DLC1: variants seen among roughly 807,000 people sequenced by gnomAD.
DLC1 encodes rho GTPase-activating protein 7.
DLC1 carries 54 observed loss-of-function variants against 140.3 expected under a neutral mutation model. That is an observed-to-expected ratio of 0.38 (90% CI 0.31 to 0.48). The LOEUF is 0.48. Ranked by LOEUF, DLC1 falls within the 20% of genes least tolerant of loss-of-function variation. The pLI is 0.96. For missense variants in DLC1, 2,536 were observed against 1,907.0 expected (o/e 1.33, Z -6.14); for synonymous variants, 986 against 728.1 (o/e 1.35, Z -5.70).
intron 2 of DLC1, among the ~76,000 whole-genome samples, chr8:13,473,380 C>T (rs1043202495): frequency 3.9e-5 from 6 of 152,202 alleles, no homozygotes; most frequent in African/African-American, 7.2e-5. Context: ...GTTTTAAAAA[C>T]GGGGGTTTCC....
In DLC1 at chr8:13,499,441, C is replaced by G. The variant is rs767098752; in HGVS notation, c.631G>C (p.Val211Leu). 1.2e-6 allele frequency: 2 copies of G among 1,614,038 alleles called. No homozygotes were observed. Among genetic ancestry groups the G allele is most frequent in the South Asian group, 2.2e-5 (2 of 91,074 alleles). The part of the protein sequence containing the change: ...EIKDAPKVNA[V>L]DTLNVKDIAP... The stretch of plus-strand genomic sequence containing the variant: ...ATATCTTTCACGTTCAAAGTATCCA[C>G]TGCATTTACTTTGGGTGCATCTTTT... Residue 211 changes from valine to leucine, a missense_variant, in exon 2 of 18, where the codon GTG (valine) becomes CTG (leucine). Coordinates refer to ENST00000276297, the MANE Select transcript of DLC1 (RefSeq NM_182643.3).
intron 5 of DLC1, among the ~76,000 whole-genome samples, chr8:13,269,701 C>CAAAAAAAAA (rs57030004): frequency 2.0e-5 from 2 of 99,478 alleles, no homozygotes; most frequent in Non-Finnish European, 4.0e-5. Flanking sequence ...AAAACTCTGT[C>CAAAAAAAAA]AAAAAAAAAA....
intron 5 of DLC1, among the ~76,000 whole-genome samples, chr8:13,262,348 GA>G (rs2117335732): frequency 6.6e-6 from 1 of 152,166 alleles, no homozygotes; most frequent in East Asian, 1.9e-4. Context: ...TTAAAATTAG[GA>G]GGAAAATTGA....
chr8:13,428,889 C>G (rs531399132), intron 2 of DLC1, among the ~76,000 whole-genome samples: 160 of 152,212 alleles, frequency 1.1e-3, no homozygotes, highest in Admixed American at 2.9e-3. Flanking sequence ...TAGAAGAGAC[C>G]TAAGTAGACT....
At chr8:13,339,654 C>G (rs1191738280) in intron 4 of DLC1, 2 of 152,118 alleles carry the variant, frequency 1.3e-5, no homozygotes, top group Non-Finnish European at 2.9e-5. Flanking sequence ...CAATCAGAAC[C>G]TCTAAAATTG....
At chr8:13,443,256 A>T (rs572397689) in intron 2 of DLC1, among the ~76,000 whole-genome samples, 1 of 151,742 alleles carries the variant, frequency 6.6e-6, no homozygotes, top group Non-Finnish European at 1.5e-5. Flanking sequence ...CTAAGGTTAA[A>T]TGATAGTTAA....
At chr8:13,121,952 A>C (rs1821114837) in intron 5 of DLC1, among the ~76,000 whole-genome samples, 1 of 152,140 alleles carries the variant, frequency 6.6e-6, no homozygotes, top group South Asian at 2.1e-4. Context: ...AAGCTCCCTC[A>C]GTTTAAAGGC....
chr8:13,224,019 A>C (rs1298375624), intron 5 of DLC1, among the ~76,000 whole-genome samples: 1 of 152,192 alleles, frequency 6.6e-6, no homozygotes, highest in African/African-American at 2.4e-5. Flanking sequence ...AGTTGTCAAG[A>C]TCGCATTATG....
chr8:13,280,982 A>G (rs1831347018), intron 5 of DLC1, among the ~76,000 whole-genome samples: 1 of 152,188 alleles, frequency 6.6e-6, no homozygotes, highest in African/African-American at 2.4e-5. Flanking sequence ...TCTCCCTAAA[A>G]TGCTGTAACT....
rs543021827 is a variant in DLC1 at position 13,580,194 on chromosome 8, C to G, written c.-126+24343G>C. On this transcript the variant is annotated intron_variant, in intron 1 of 1. Coordinates refer to the DLC1 transcript ENST00000631382. ...CTGGAGTGCAGTGGCGCAATCTCGG[C>G]TCACTGCAGCCTCTGCCTCCCTGGT... Among the ~76,000 whole-genome samples the G allele has an allele frequency of 4.8e-4, 73 of 151,950 alleles. 1 individual carries two copies. Among genetic ancestry groups the G allele is most frequent in the African/African-American group, 1.7e-3 (71 of 41,404 alleles).
Position 13,131,253 on chromosome 8 carries a change from C to T in DLC1, c.1349-15596G>A, listed in dbSNP as rs184111451. Among the ~76,000 whole-genome samples, 527 of 152,248 alleles carry T rather than the reference C, an allele frequency of 3.5e-3. 2 individuals carry two copies. Among genetic ancestry groups the T allele is most frequent in the Non-Finnish European group, 5.7e-3 (387 of 68,020 alleles). On this transcript the variant is annotated intron_variant, in intron 5 of 17. Transcript: ENST00000276297. ...TCCAGATGGATGGCGAATTAGTCAA[C>T]CTCTTGGAGCTGCTGATAGATTTAC...
chr8:13,526,902 C>G (rs143363862), intron 1 of DLC1, among the ~76,000 whole-genome samples: 1 of 152,064 alleles, frequency 6.6e-6, no homozygotes, highest in African/African-American at 2.4e-5. Context: ...GCACATGTAC[C>G]TTAGAACTTA....
intron 1 of DLC1, among the ~76,000 whole-genome samples, chr8:13,601,312 G>T (rs1238142098): frequency 1.3e-5 from 2 of 151,624 alleles, no homozygotes; most frequent in East Asian, 1.9e-4. Flanking sequence ...GTAAACAGAT[G>T]CTATCTTATA....
At chr8:13,305,690 G>A (rs1832389493) in intron 4 of DLC1, among the ~76,000 whole-genome samples, 1 of 151,996 alleles carries the variant, frequency 6.6e-6, no homozygotes, top group African/African-American at 2.4e-5. Flanking sequence ...TACAAAAATT[G>A]GCTGGGCATG....
At chr8:13,160,484 C>T (rs1433571485) in intron 5 of DLC1, among the ~76,000 whole-genome samples, 2 of 152,142 alleles carry the variant, frequency 1.3e-5, no homozygotes, top group Non-Finnish European at 2.9e-5. Flanking sequence ...AGGCTCTGTC[C>T]TCTTGGATGT....
intron 5 of DLC1, 138 bp from the exon 6 acceptor site, chr8:13,115,795 G>C: frequency 1.4e-6 from 1 of 740,520 alleles, no homozygotes; most frequent in Non-Finnish European, 2.2e-6. Context: ...AGACATACAC[G>C]CTTAATTCGA....
chr8:13,299,750 T>A (rs556863968), intron 5 of DLC1, among the ~76,000 whole-genome samples: 57 of 152,162 alleles, frequency 3.7e-4, no homozygotes, highest in Non-Finnish European at 6.9e-4. Flanking sequence ...AACAGGACCA[T>A]TTATAATGGG....
chr8:13,250,633 T>G (rs890976714), intron 5 of DLC1, among the ~76,000 whole-genome samples: 1 of 152,168 alleles, frequency 6.6e-6, no homozygotes, highest in African/African-American at 2.4e-5. Flanking sequence ...TTGAATAAAT[T>G]TAATACTATA....
chr8:13,190,372 G>T (rs1220231256), intron 5 of DLC1, among the ~76,000 whole-genome samples: 1 of 152,032 alleles, frequency 6.6e-6, no homozygotes, highest in Non-Finnish European at 1.5e-5. Flanking sequence ...CCTTTCCACT[G>T]TCACCACCCA....
Sources: allele counts gnomAD v4.1 joint callset (sites outside exome capture counted in the v4.1 genomes callset), GRCh38; gene constraint gnomAD v4.1.1; transcripts MANE v1.5; gene names NCBI Gene and HGNC (gene_info 2026-07-23, HGNC 2026-07-21).